CELSR1: variants seen among roughly 807,000 people sequenced by gnomAD.
CELSR1 encodes adhesion G protein-coupled receptor C1.
In CELSR1, 110 loss-of-function variants were observed where a neutral mutation model predicts 249.1. The observed-to-expected ratio is 0.44, with a 90% CI of 0.38 to 0.52. CELSR1 has a LOEUF of 0.52. CELSR1 is among the 20% of genes least tolerant of loss of function. CELSR1 has a pLI of 0.00. For missense variants in CELSR1, 4,109 were observed against 4,296.4 expected, an observed-to-expected ratio of 0.96 and a Z score of 1.22; for synonymous variants, 2,113 against 1,900.0, an observed-to-expected ratio of 1.11 and a Z score of -2.92.
chr22:46,442,223 C>T (rs118029279), intron 2 of CELSR1, among the ~76,000 whole-genome samples: 1,613 of 152,382 alleles, frequency 0.011, 14 homozygotes, highest in South Asian at 0.034. Context: ...CACCCTTCCC[C>T]TCCAGGACGG....
rs1276437181 is a variant in CELSR1, at chr22:46,535,260, A to G, written c.1911T>C (p.Gly637=). The G allele has an allele frequency of 3.1e-6, 5 of 1,610,208 alleles. No individual in the cohort carries two copies. The highest frequency in any genetic ancestry group is 3.3e-5 in the Admixed American group (2 of 60,008). ...CCAGCTCGGCACACACTGTGATCCA[A>G]CCGGAGCTGTTGTGGATCTGGAAGG... ...DFPFQIHNSS[G]WITVCAELDR... The change falls in exon 1 of 35, where the codon GGT becomes GGC. Residue 637 remains glycine (G), a synonymous_variant. Coordinates refer to ENST00000674500, the MANE Select transcript of CELSR1 (RefSeq NM_001378328.1).
chr22:46,379,470 G>A (rs2078953934), intron 22 of CELSR1, among the ~76,000 whole-genome samples: 1 of 152,208 alleles, frequency 6.6e-6, no homozygotes, highest in African/African-American at 2.4e-5. Context: ...CAGAGAGCAG[G>A]TCATTAGAGC....
chr22:46,363,130 C>T lies in CELSR1; in HGVS notation c.*93G>A. On this transcript the variant is annotated 3_prime_UTR_variant, in exon 35 of 35. Coordinates refer to ENST00000674500, the MANE Select transcript of CELSR1 (RefSeq NM_001378328.1). The surrounding 1 kb of genome is among the most constrained non-coding windows in gnomAD (Gnocchi z 4.3). ...TCAAGGGCAGTGGCCCCTTGGGCTC[C>T]AAGGTCTGAGGGTGATGCCGCAGCC... 4 of 1,613,572 alleles carry T rather than the reference C, an allele frequency of 2.5e-6. No individual in the cohort carries two copies. The highest frequency in any genetic ancestry group is 3.4e-6 in the Non-Finnish European group (4 of 1,179,860).
chr22:46,366,179 GGGGA>G (rs2078776188), intron 30 of CELSR1, among the ~76,000 whole-genome samples: 1 of 65,838 alleles, frequency 1.5e-5, no homozygotes, highest in Non-Finnish European at 2.7e-5. Flanking sequence ...AAGGTTGTTG[GGGGA>G]AGGTGCAGGG....
Position 46,409,363 on chromosome 22 carries a change from C to T in CELSR1, c.5060-201G>A, listed in dbSNP as rs537605784. 4.3e-4 allele frequency among the ~76,000 whole-genome samples: 66 copies of T among 152,296 alleles called. No individual in the cohort carries two copies. The highest frequency in any genetic ancestry group is 3.7e-3 in the Admixed American group (57 of 15,310). ...GGCTCCAGAGAAGCGCACCCTGGGA[C>T]GTGAGCCTCCTTGCTGGGAAGCATG... On this transcript the variant is annotated intron_variant, in intron 8 of 34. Coordinates refer to ENST00000674500, the MANE Select transcript of CELSR1 (RefSeq NM_001378328.1). This position sits in a 1 kb window ranked among gnomAD's most constrained non-coding sequence, Gnocchi z 9.8.
At position 46,513,984 on chromosome 22, in the gene CELSR1, G is replaced by A. The variant is rs553209310; in HGVS notation, c.3544+19643C>T. Among the ~76,000 whole-genome samples, 222 of 151,968 alleles carry A rather than the reference G, an allele frequency of 1.5e-3. 1 individual carries two copies. The highest frequency in any genetic ancestry group is 5.0e-3 in the African/African-American group (207 of 41,444). ...TAATTTTTGTATTCTTAGTAGAGAC[G>A]GGGTCTCACCTTGTTGGCCAGGATG... On this transcript the variant is annotated intron_variant, in intron 1 of 34. Coordinates refer to ENST00000674500, the MANE Select transcript of CELSR1 (RefSeq NM_001378328.1).
rs78062077 is a variant in CELSR1, at chr22:46,464,003, G to A, written c.3887C>T (p.Thr1296Met). The stretch of plus-strand genomic sequence containing the variant: ...GTCGTCGAAGGGCAGCACGCGCTGC[G>A]TGGAGATGGTGGTCAGCAGCGTCCG... ...LNRTLLTTISTQRVLPFDDNI... is the reference protein window; with the variant it reads ...LNRTLLTTISMQRVLPFDDNI... Residue 1296 changes from threonine to methionine, a missense_variant, in exon 2 of 35, where the codon ACG (threonine) becomes ATG (methionine). Transcript: ENST00000674500. This position sits in a 1 kb window ranked among gnomAD's most constrained non-coding sequence, Gnocchi z 8.5. The A allele has an allele frequency of 1.1e-4, 183 of 1,613,890 alleles. 1 individual carries two copies. The East Asian group carries it at 2.1e-3, about 18-fold the overall frequency.
At chr22:46,477,586 C>A (rs1323547255) in intron 1 of CELSR1, among the ~76,000 whole-genome samples, 1 of 150,930 alleles carries the variant, frequency 6.6e-6, no homozygotes, top group African/African-American at 2.4e-5. Flanking sequence ...CGGCTCACTG[C>A]AACCTCCACC....
rs1165254300 is a variant in CELSR1 at position 46,410,315 on chromosome 22, T to A, written c.4933+83A>T. 6.5e-7 allele frequency: 1 copy of A among 1,534,662 alleles called. No homozygotes were observed. Among genetic ancestry groups the A allele is most frequent in the Non-Finnish European group, 8.9e-7 (1 of 1,118,926 alleles). ...AGAAAAACACGGCTCCCCAGGGATC[T>A]GCAAGCAGTGACCTCTGTGTGGCTG... On this transcript the variant is annotated intron_variant, in intron 7 of 34. Coordinates refer to ENST00000674500, the MANE Select transcript of CELSR1 (RefSeq NM_001378328.1). This position sits in a 1 kb window ranked among gnomAD's most constrained non-coding sequence, Gnocchi z 6.8.
rs556741879 is a variant in CELSR1, at chr22:46,526,045, G to C, written c.3544+7582C>G. The stretch of plus-strand genomic sequence containing the variant: ...CTCTCAACACCCTGGTCGGTACATG[G>C]GGCCAGACATAGACCTCTTGTCCCC... On this transcript the variant is annotated intron_variant, in intron 1 of 34. Transcript: ENST00000674500. The surrounding 1 kb of genome is among the most constrained non-coding windows in gnomAD (Gnocchi z 4.7). Among the ~76,000 whole-genome samples the C allele has an allele frequency of 2.0e-5, 3 of 152,328 alleles. No individual in the cohort carries two copies. The highest frequency in any genetic ancestry group is 6.5e-5 in the Admixed American group (1 of 15,298).
chr22:46,418,673 C>T (rs982094457), intron 5 of CELSR1, among the ~76,000 whole-genome samples: 3 of 152,176 alleles, frequency 2.0e-5, no homozygotes, highest in African/African-American at 7.2e-5. Flanking sequence ...ACTGGCCCGC[C>T]ATTTCCTCCA....
At chr22:46,482,544 C>T (rs974078096) in intron 1 of CELSR1, among the ~76,000 whole-genome samples, 4 of 152,050 alleles carry the variant, frequency 2.6e-5, no homozygotes, top group African/African-American at 9.7e-5. Context: ...AAGTGACTTG[C>T]CCAAGGTCAC....
At chr22:46,498,403 A>G (rs1402380722) in intron 1 of CELSR1, among the ~76,000 whole-genome samples, 1 of 151,582 alleles carries the variant, frequency 6.6e-6, no homozygotes, top group Non-Finnish European at 1.5e-5. Flanking sequence ...TGAGGTCAAG[A>G]GTTCAAGACC....
chr22:46,481,190 G>C (rs370474579), intron 1 of CELSR1: 1 of 235,932 alleles, frequency 4.2e-6, no homozygotes, highest in African/African-American at 2.3e-5. Context: ...AGCTGAGATC[G>C]TGCCACTGCA....
intron 5 of CELSR1, among the ~76,000 whole-genome samples, chr22:46,432,868 G>A (rs2079611831): frequency 6.6e-6 from 1 of 152,104 alleles, no homozygotes; most frequent in African/African-American, 2.4e-5. Flanking sequence ...CCCCGACCCA[G>A]AGCTCTGGGT....
chr22:46,530,920 T>C (rs182735716), intron 1 of CELSR1, among the ~76,000 whole-genome samples: 76 of 152,322 alleles, frequency 5.0e-4, no homozygotes, highest in African/African-American at 1.8e-3. Flanking sequence ...AGGCTGGTCA[T>C]ATTGCATCAA....
chr22:46,420,126 TCA>T (rs1474363487), intron 5 of CELSR1, among the ~76,000 whole-genome samples: 1 of 141,338 alleles, frequency 7.1e-6, no homozygotes, highest in Non-Finnish European at 1.5e-5. Flanking sequence ...ACATTCACAC[TCA>T]CATATACACT....
In CELSR1 at chr22:46,412,793, A is replaced by G. The variant is rs2079353531; in HGVS notation, c.4612-1034T>C. Among the ~76,000 whole-genome samples the G allele has an allele frequency of 6.6e-6, 1 of 152,218 alleles. No homozygotes were observed. The highest frequency in any genetic ancestry group is 6.5e-5 in the Admixed American group (1 of 15,286). ...GCATGTGGGTCTCAAAGTTCCAGAA[A>G]CACAGTTGGTGCCAGCTCCAACCGG... On this transcript the variant is annotated intron_variant, in intron 5 of 34. Coordinates refer to ENST00000674500, the MANE Select transcript of CELSR1 (RefSeq NM_001378328.1). The surrounding 1 kb of genome is among the most constrained non-coding windows in gnomAD (Gnocchi z 4.5).
chr22:46,401,962 C>T lies in CELSR1; in HGVS notation c.5227-2060G>A, dbSNP rs2079214864. 6.6e-6 allele frequency among the ~76,000 whole-genome samples: 1 copy of T among 152,102 alleles called. No homozygotes were observed. The highest frequency in any genetic ancestry group is 2.4e-5 in the African/African-American group (1 of 41,430). On this transcript the variant is annotated intron_variant, in intron 9 of 34. Coordinates refer to ENST00000674500, the MANE Select transcript of CELSR1 (RefSeq NM_001378328.1). This position sits in a 1 kb window ranked among gnomAD's most constrained non-coding sequence, Gnocchi z 4.7. The stretch of plus-strand genomic sequence containing the variant: ...AATTAGCTGGGCGTGGTGGCAGGTG[C>T]CTGTAGTTCCAGCTGCTTGGGAGGC...
Sources: gnomAD v4.1 joint callset for allele counts (sites outside exome capture counted in the v4.1 genomes callset) on GRCh38, gnomAD v4.1.1 for gene constraint, Gnocchi (gnomAD v3.1) non-coding constraint, MANE v1.5 for transcripts, NCBI Gene and HGNC (gene_info 2026-07-23, HGNC 2026-07-21) for gene names.